Variants in RNF24 observed in about 807,000 individuals in gnomAD.
RNF24 encodes ring finger protein 24.
In RNF24, 14 loss-of-function variants were observed where a neutral mutation model predicts 20.0. The observed-to-expected ratio is 0.70, with a 90% CI of 0.46 to 1.10. The LOEUF is 1.10. Ranked by LOEUF, RNF24 falls within the 50% of genes least tolerant of loss-of-function variation. The pLI is 0.00. For missense variants in RNF24, 124 were observed against 177.6 expected (o/e 0.70, Z 1.71); for synonymous variants, 45 against 61.1 (o/e 0.74, Z 1.23).
intron 1 of RNF24, among the ~76,000 whole-genome samples, chr20:3,993,557 G>C (rs1310634299): frequency 6.6e-6 from 1 of 152,182 alleles, no homozygotes; most frequent in Non-Finnish European, 1.5e-5. Flanking sequence ...AAAGTGCTGG[G>C]ATTACAGGCG....
chr20:3,979,517 A>G (rs1337491471), intron 1 of RNF24, among the ~76,000 whole-genome samples: 1 of 152,158 alleles, frequency 6.6e-6, no homozygotes, highest in Non-Finnish European at 1.5e-5. Context: ...TCTACTAAAA[A>G]TACAAAAATT....
At chr20:3,969,773 G>GT (rs34975215) in intron 1 of RNF24, among the ~76,000 whole-genome samples, 76,063 of 136,194 alleles carry the variant, frequency 0.56, 21,318 homozygotes, top group Non-Finnish European at 0.6. Context: ...GCTGAAATCT[G>GT]TTTTTTTTTT....
At position 3,934,962 on chromosome 20, in the gene RNF24, G is replaced by T. The variant is rs929574348; in HGVS notation, c.308+32C>A. 15 of 1,585,422 alleles carry T rather than the reference G, an allele frequency of 9.5e-6. No homozygotes were observed. Among genetic ancestry groups the T allele is most frequent in the Non-Finnish European group, 1.3e-5 (15 of 1,154,204 alleles). The stretch of plus-strand genomic sequence containing the variant: ...GTTGGTTGATGTGCCTCAAACTCGG[G>T]TCCCATTAAGTAATTCCATACCAAT... On this transcript the variant is annotated intron_variant, in intron 5 of 5. Coordinates refer to ENST00000358395, the MANE Select transcript of RNF24 (RefSeq NM_001134337.3). The surrounding 1 kb of genome is among the most constrained non-coding windows in gnomAD (Gnocchi z 4.0).
intron 2 of RNF24, among the ~76,000 whole-genome samples, chr20:3,956,921 G>A (rs1273453176): frequency 1.3e-5 from 2 of 152,196 alleles, no homozygotes; most frequent in African/African-American, 4.8e-5. Flanking sequence ...AGCACTTTGG[G>A]AGGCTGAGGT....
At chr20:3,964,329 A>G (rs1452116087) in intron 1 of RNF24, among the ~76,000 whole-genome samples, 3 of 152,228 alleles carry the variant, frequency 2.0e-5, no homozygotes, top group Admixed American at 2.0e-4. Flanking sequence ...GTTCAACCTC[A>G]GAGAAGTGCA....
intron 1 of RNF24, among the ~76,000 whole-genome samples, chr20:4,012,001 T>C (rs924384020): frequency 1.6e-4 from 24 of 152,260 alleles, no homozygotes; most frequent in Admixed American, 1.5e-3. Flanking sequence ...CTATATAATA[T>C]ATAAGACTGC....
At chr20:3,975,044 A>G (rs1467145568) in intron 1 of RNF24, among the ~76,000 whole-genome samples, 1 of 152,234 alleles carries the variant, frequency 6.6e-6, no homozygotes. Flanking sequence ...GATTGGTTTT[A>G]GCAAAAGGAT....
chr20:3,995,451 AG>A (rs1435719225), intron 1 of RNF24, among the ~76,000 whole-genome samples: 1 of 152,222 alleles, frequency 6.6e-6, no homozygotes, highest in Non-Finnish European at 1.5e-5. Context: ...AACAATTTCC[AG>A]ATAGCCAACC....
chr20:3,987,770 T>G (rs1980053794), intron 1 of RNF24, among the ~76,000 whole-genome samples: 1 of 152,240 alleles, frequency 6.6e-6, no homozygotes, highest in East Asian at 1.9e-4. Context: ...GTGATTGTAC[T>G]GGACTCTTGG....
intron 1 of RNF24, among the ~76,000 whole-genome samples, chr20:3,964,264 ATTCACTAAAAGGCAT>A (rs1369066056): frequency 6.6e-6 from 1 of 152,198 alleles, no homozygotes. Flanking sequence ...AGTTGCATTT[ATTCACTAAAAGGCAT>A]TTCACTAAAA....
At chr20:3,987,807 AAG>A (rs1216906635) in intron 1 of RNF24, among the ~76,000 whole-genome samples, 4 of 152,180 alleles carry the variant, frequency 2.6e-5, no homozygotes, top group African/African-American at 4.8e-5. Context: ...ACATAATTTA[AAG>A]AGTTTTCACT....
At chr20:3,994,650 G>A (rs1287841342) in intron 1 of RNF24, among the ~76,000 whole-genome samples, 4 of 152,160 alleles carry the variant, frequency 2.6e-5, no homozygotes, top group Non-Finnish European at 5.9e-5. Context: ...CCTGGGAAAG[G>A]TGACGAGTCT....
At chr20:3,965,698 C>T (rs1285405541) in intron 1 of RNF24, among the ~76,000 whole-genome samples, 1 of 152,186 alleles carries the variant, frequency 6.6e-6, no homozygotes, top group Admixed American at 6.5e-5. Flanking sequence ...GCACAAAACT[C>T]AGCTCTTAAC....
At chr20:3,982,190 A>T (rs530971406) in intron 1 of RNF24, among the ~76,000 whole-genome samples, 8 of 151,990 alleles carry the variant, frequency 5.3e-5, no homozygotes, top group Admixed American at 1.3e-4. Flanking sequence ...CATTAAATTT[A>T]TAGCTTATTT....
intron 1 of RNF24, among the ~76,000 whole-genome samples, chr20:3,968,177 C>T (rs986252897): frequency 2.0e-5 from 3 of 151,508 alleles, no homozygotes; most frequent in Non-Finnish European, 4.4e-5. Flanking sequence ...TGGTGGCGTG[C>T]GCCTGTAATC....
At chr20:3,939,052 C>G (rs996001985) in intron 4 of RNF24, among the ~76,000 whole-genome samples, 3 of 152,152 alleles carry the variant, frequency 2.0e-5, no homozygotes, top group Non-Finnish European at 4.4e-5. Context: ...CATGGCTGGC[C>G]TGATGAAGTT....
At chr20:3,941,863 G>C (rs553711028) in intron 4 of RNF24, among the ~76,000 whole-genome samples, 3 of 151,982 alleles carry the variant, frequency 2.0e-5, no homozygotes, top group Non-Finnish European at 2.9e-5. Context: ...CACCTGAGGT[G>C]AGGAGTTCAA....
At chr20:3,968,709 C>T (rs1276909280) in intron 1 of RNF24, among the ~76,000 whole-genome samples, 2 of 152,134 alleles carry the variant, frequency 1.3e-5, no homozygotes, top group Non-Finnish European at 2.9e-5. Flanking sequence ...TCTGCAAAAT[C>T]TTTTCTTGAG....
chr20:3,972,097 A>G (rs919961281), intron 1 of RNF24, among the ~76,000 whole-genome samples: 1 of 152,234 alleles, frequency 6.6e-6, no homozygotes, highest in South Asian at 2.1e-4. Context: ...CTAAAAATAC[A>G]TAGCAATCCT....
Sources: allele counts gnomAD v4.1 joint callset (sites outside exome capture counted in the v4.1 genomes callset), GRCh38; gene constraint gnomAD v4.1.1; non-coding constraint Gnocchi (gnomAD v3.1); transcripts MANE v1.5; gene names NCBI Gene and HGNC (gene_info 2026-07-23, HGNC 2026-07-21).